Variants in CREB3L2 observed in about 807,000 individuals in gnomAD.
CREB3L2 encodes the protein cAMP responsive element binding protein 3 like 2.
Under a neutral mutation model 57.2 loss-of-function variants are expected in CREB3L2, and 23 were observed. The ratio of observed to expected loss-of-function variants is 0.40; its 90% confidence interval spans 0.29 to 0.57. The LOEUF is 0.57. CREB3L2 is among the 20% of genes least tolerant of loss of function. The pLI is 0.42. For missense variants in CREB3L2, 628 were observed against 634.7 expected (o/e 0.99, Z 0.11); for synonymous variants, 268 against 265.1 (o/e 1.01, Z -0.11).
At chr7:137,896,524 C>T (rs571580150) in intron 8 of CREB3L2, among the ~76,000 whole-genome samples, 2 of 152,296 alleles carry the variant, frequency 1.3e-5, no homozygotes, top group South Asian at 4.1e-4. Context: ...TGGTCTCGAA[C>T]TCCCAACCTC....
At chr7:137,928,080 C>T (rs1800516478) in intron 2 of CREB3L2, 70 bp downstream of exon 2, 2 of 1,174,612 alleles carry the variant, frequency 1.7e-6, no homozygotes, top group Admixed American at 2.1e-5. Flanking sequence ...ATATAATACA[C>T]ACTCCACACC....
intron 1 of CREB3L2, among the ~76,000 whole-genome samples, chr7:137,940,266 A>G (rs753857752): frequency 6.6e-6 from 1 of 152,102 alleles, no homozygotes; most frequent in Non-Finnish European, 1.5e-5. Flanking sequence ...TCTTTACCTC[A>G]CCAGGGGACA....
rs1439698505 is a variant in CREB3L2, at chr7:138,001,426, G to A, written c.102+178C>T. 2.6e-5 allele frequency among the ~76,000 whole-genome samples: 4 copies of A among 152,198 alleles called. No homozygotes were observed. The highest frequency in any genetic ancestry group is 5.9e-5 in the Non-Finnish European group (4 of 68,028). The stretch of plus-strand genomic sequence containing the variant: ...TTACTCTCATGAGAAATGTAAAGGG[G>A]CCAGCTGCCCGCCTTCATCTGCTCA... On this transcript the variant is annotated intron_variant, in intron 1 of 11. Coordinates refer to ENST00000330387, the MANE Select transcript of CREB3L2 (RefSeq NM_194071.4). This position sits in a 1 kb window ranked among gnomAD's most constrained non-coding sequence, Gnocchi z 4.2.
chr7:137,972,713 ATATATATATAT>A (rs373275163), intron 1 of CREB3L2, among the ~76,000 whole-genome samples: 1 of 32,932 alleles, frequency 3.0e-5, no homozygotes, highest in African/African-American at 1.3e-4. Context: ...AAAAAAAAAA[ATATATATATAT>A]ATATATATAT....
chr7:137,906,027 AG>A (rs1361993220), intron 5 of CREB3L2, among the ~76,000 whole-genome samples, 179 bp from the exon 6 acceptor site: 1 of 152,184 alleles, frequency 6.6e-6, no homozygotes, highest in Non-Finnish European at 1.5e-5. Flanking sequence ...AAGATGGGGA[AG>A]ACACCCCCAT....
At chr7:137,904,714 C>A (rs1218880373) in intron 6 of CREB3L2, among the ~76,000 whole-genome samples, 2 of 150,540 alleles carry the variant, frequency 1.3e-5, no homozygotes, top group Non-Finnish European at 3.0e-5. Flanking sequence ...TGGCACACGT[C>A]TGTGGTTCCA....
chr7:137,950,317 G>A (rs1037456965), intron 1 of CREB3L2, among the ~76,000 whole-genome samples: 1 of 152,168 alleles, frequency 6.6e-6, no homozygotes, highest in Admixed American at 6.5e-5. Flanking sequence ...CTCACACCCT[G>A]GATTTCTCCA....
rs1563270081 is a variant in CREB3L2 at position 137,972,704 on chromosome 7, A to ACAACAAC, written c.102+28899_102+28900insGTTGTTG. 7.9e-3 allele frequency among the ~76,000 whole-genome samples: 347 copies of ACAACAAC among 43,914 alleles called. 6 individuals are homozygous for ACAACAAC. The highest frequency in any genetic ancestry group is 0.041 in the African/African-American group (329 of 7,930). 28.8% of individuals were successfully genotyped at this position (43,914 alleles called of 152,430 possible). A position where few individuals can be genotyped will look rare whatever the true frequency, so the allele number is the denominator to read the frequency against. ...CTCTACAAAAAAAAAAAAAAAAAAA[A>ACAACAAC]AAAAAAAAATATATATATATATATA... On this transcript the variant is annotated intron_variant, in intron 1 of 11. Transcript: ENST00000330387.
intron 1 of CREB3L2, among the ~76,000 whole-genome samples, chr7:137,997,381 A>G (rs1224180978): frequency 6.6e-6 from 1 of 152,216 alleles, no homozygotes; most frequent in African/African-American, 2.4e-5. Context: ...CAGTTTATAC[A>G]TATATAAAAT....
chr7:137,897,303 A>G (rs1799648772), intron 8 of CREB3L2, among the ~76,000 whole-genome samples: 1 of 152,220 alleles, frequency 6.6e-6, no homozygotes, highest in Non-Finnish European at 1.5e-5. Context: ...TGGCTAAGCT[A>G]GCCCTGGTCA....
At chr7:137,913,235 T>C (rs745792079) in intron 3 of CREB3L2, among the ~76,000 whole-genome samples, 157 bp from the exon 4 acceptor site, 6 of 152,134 alleles carry the variant, frequency 3.9e-5, no homozygotes, top group Non-Finnish European at 7.4e-5. Context: ...AGGGAGTCAT[T>C]TTAGTTCTTA....
chr7:137,968,418 T>C (rs1362099187), intron 1 of CREB3L2, among the ~76,000 whole-genome samples: 1 of 152,074 alleles, frequency 6.6e-6, no homozygotes, highest in Non-Finnish European at 1.5e-5. Flanking sequence ...TGTCCATGTG[T>C]TCTCAACGTT....
chr7:137,957,947 AG>A (rs1353487988), intron 1 of CREB3L2: 1 of 383,016 alleles, frequency 2.6e-6, no homozygotes, highest in African/African-American at 2.1e-5. Flanking sequence ...CCCAGAAGGC[AG>A]GAACATTGTG....
rs1363181326 is a variant in CREB3L2 at position 137,879,184 on chromosome 7, A to C, written c.*1292T>G. ...TTTTAACCATAAAAAAAAAACAAAA[A>C]AACTAAAAGTAGGTTGGGGATTAGG... On this transcript the variant is annotated 3_prime_UTR_variant, in exon 12 of 12. Transcript: ENST00000330387. 8 of 519,516 alleles carry C rather than the reference A, an allele frequency of 1.5e-5. No homozygotes were observed. In the East Asian group the frequency reaches 3.1e-4, roughly 20 times the overall value. 32.2% of individuals were successfully genotyped at this position (519,516 alleles called of 1,614,324 possible).
intron 1 of CREB3L2, among the ~76,000 whole-genome samples, chr7:137,972,594 C>G (rs1277841783): frequency 2.8e-5 from 4 of 143,470 alleles, no homozygotes; most frequent in African/African-American, 1.0e-4. Context: ...CATCTGTAAT[C>G]CCAGCTACTT....
intron 1 of CREB3L2, among the ~76,000 whole-genome samples, chr7:137,976,458 GTT>G (rs150063322): frequency 1.3e-5 from 2 of 152,016 alleles, no homozygotes; most frequent in Non-Finnish European, 2.9e-5. Context: ...GGTTATGTTT[GTT>G]TTTTTCCCAG....
At position 137,962,247 on chromosome 7, in the gene CREB3L2, T is replaced by C. The variant is rs114682309; in HGVS notation, c.103-33881A>G. Among the ~76,000 whole-genome samples the C allele has an allele frequency of 6.7e-3, 1,025 of 152,236 alleles. 16 individuals are homozygous for C. Among genetic ancestry groups the C allele is most frequent in the African/African-American group, 0.024 (990 of 41,536 alleles). On this transcript the variant is annotated intron_variant, in intron 1 of 11. Coordinates refer to ENST00000330387, the MANE Select transcript of CREB3L2 (RefSeq NM_194071.4). ...GCCATACACTGAACTAAAAGCTGTC[T>C]CTTGGTACCTTTCACTAGATGGCCA...
intron 1 of CREB3L2, chr7:137,953,598 T>C: frequency 2.8e-6 from 3 of 1,059,804 alleles, no homozygotes; most frequent in Non-Finnish European, 3.8e-6. Context: ...AGAGAAATCA[T>C]TTCATCTCTG....
At chr7:137,893,688 T>C (rs1431406417) in intron 8 of CREB3L2, among the ~76,000 whole-genome samples, 2 of 152,118 alleles carry the variant, frequency 1.3e-5, no homozygotes, top group Non-Finnish European at 2.9e-5. Flanking sequence ...AGGAATCATA[T>C]AGAGATTGTC....
Sources: allele counts gnomAD v4.1 joint callset (sites outside exome capture counted in the v4.1 genomes callset), GRCh38; gene constraint gnomAD v4.1.1; non-coding constraint Gnocchi (gnomAD v3.1); transcripts MANE v1.5; gene names NCBI Gene and HGNC (gene_info 2026-07-23, HGNC 2026-07-21).